Variants in ARHGAP6 observed in about 807,000 individuals in gnomAD.
The protein encoded by ARHGAP6 is Rho GTPase activating protein 6.
ARHGAP6 carries 16 observed loss-of-function variants against 55.7 expected under a neutral mutation model. The observed-to-expected ratio is 0.29, with a 90% CI of 0.19 to 0.44. ARHGAP6 has a LOEUF of 0.44. Ranked by LOEUF, ARHGAP6 falls within the 20% of genes least tolerant of loss-of-function variation. ARHGAP6 has a pLI of 1.00. For synonymous variants in ARHGAP6, 382 were observed against 360.9 expected (o/e 1.06, Z -0.66); for missense variants, 698 against 808.9 (o/e 0.86, Z 1.66).
intron 1 of ARHGAP6, among the ~76,000 whole-genome samples, chrX:11,466,571 T>A (rs2147822079): frequency 8.9e-6 from 1 of 111,752 alleles, no homozygotes. Context: ...GTGGCACAAT[T>A]ATAGCTCATT....
intron 8 of ARHGAP6, among the ~76,000 whole-genome samples, chrX:11,176,536 G>T (rs370852432): frequency 7.2e-4 from 76 of 106,098 alleles, no homozygotes; most frequent in African/African-American, 2.6e-3. Context: ...CAATGAGTTC[G>T]ATTGGAACTT....
chrX:11,423,813 T>C (rs2049851065), intron 1 of ARHGAP6, among the ~76,000 whole-genome samples: 1 of 111,743 alleles, frequency 8.9e-6, no homozygotes, highest in African/African-American at 3.3e-5. Flanking sequence ...GACTGTATAA[T>C]GGACACTGAT....
intron 1 of ARHGAP6, among the ~76,000 whole-genome samples, chrX:11,340,391 C>A (rs1159179073): frequency 3.6e-5 from 4 of 111,835 alleles, no homozygotes; most frequent in Non-Finnish European, 1.9e-5. Flanking sequence ...CTCCAGTCCT[C>A]AGATTACATG....
In ARHGAP6 at chrX:11,230,991, G is replaced by T. The variant is rs367651303; in HGVS notation, c.748+23557C>A. Among the ~76,000 whole-genome samples, 58 of 111,111 alleles carry T rather than the reference G, an allele frequency of 5.2e-4. No homozygotes were observed. The East Asian group carries it at 0.015, about 28-fold the overall frequency. ...CAGGGTTCACTCTTGGTTACTTTTT[G>T]TGTGTGTGTGACTATTTTCCTCACA... On this transcript the variant is annotated intron_variant, in intron 2 of 12. Transcript: ENST00000337414.
chrX:11,603,264 A>G (rs1427766589), intron 1 of ARHGAP6, among the ~76,000 whole-genome samples: 1 of 112,013 alleles, frequency 8.9e-6, no homozygotes, highest in African/African-American at 3.2e-5. Flanking sequence ...AGTATAATTT[A>G]TATCCTGGGA....
At chrX:11,466,026 G>A (rs1475840529) in intron 1 of ARHGAP6, among the ~76,000 whole-genome samples, 1 of 110,192 alleles carries the variant, frequency 9.1e-6, no homozygotes, top group Admixed American at 9.7e-5. Context: ...CATCTTCCGA[G>A]GCCCAGTTCA....
chrX:11,561,504 G>T (rs2051383847), intron 1 of ARHGAP6, among the ~76,000 whole-genome samples: 1 of 112,079 alleles, frequency 8.9e-6, no homozygotes, highest in Non-Finnish European at 1.9e-5. Flanking sequence ...AAGTAAAATG[G>T]TAGACTCAGG....
At chrX:11,459,454 C>T (rs1482542028) in intron 1 of ARHGAP6, among the ~76,000 whole-genome samples, 1 of 111,335 alleles carries the variant, frequency 9.0e-6, no homozygotes, top group Non-Finnish European at 1.9e-5. Flanking sequence ...ATTAAAAGGA[C>T]AGTTAAAGGG....
chrX:11,291,457 CTT>C (rs1159850596), intron 1 of ARHGAP6, among the ~76,000 whole-genome samples: 1 of 111,032 alleles, frequency 9.0e-6, no homozygotes, highest in Non-Finnish European at 1.9e-5. Flanking sequence ...TAAGATCAAT[CTT>C]TCTAAAACTA....
chrX:11,567,745 T>C (rs1002111728), intron 1 of ARHGAP6, among the ~76,000 whole-genome samples: 2 of 109,228 alleles, frequency 1.8e-5, no homozygotes, highest in African/African-American at 3.3e-5. Flanking sequence ...CATGACTCAC[T>C]GCAGCCTCGA....
chrX:11,447,547 G>GT (rs746085556), intron 1 of ARHGAP6, among the ~76,000 whole-genome samples: 1 of 112,425 alleles, frequency 8.9e-6, no homozygotes, highest in East Asian at 2.8e-4. Flanking sequence ...CAAAAGCAGA[G>GT]TTGAGTAGTT....
chrX:11,254,497 C>T (rs773407386), intron 2 of ARHGAP6, 51 bp downstream of exon 2: 2 of 1,177,904 alleles, frequency 1.7e-6, no homozygotes, highest in Non-Finnish European at 2.3e-6. Context: ...TTTGGCAGAG[C>T]CAATATTTGA....
chrX:11,275,192 G>A (rs2147521509), intron 1 of ARHGAP6, among the ~76,000 whole-genome samples: 1 of 111,073 alleles, frequency 9.0e-6, no homozygotes, highest in African/African-American at 3.3e-5. Flanking sequence ...TGTATCTCTT[G>A]ACTATTATAT....
intron 2 of ARHGAP6, among the ~76,000 whole-genome samples, chrX:11,198,944 G>C (rs2046581741): frequency 8.9e-6 from 1 of 112,143 alleles, no homozygotes; most frequent in South Asian, 3.7e-4. Flanking sequence ...TCAATTATCA[G>C]ATTTTATTCA....
At chrX:11,662,641 A>T (rs1195349312) in intron 1 of ARHGAP6, among the ~76,000 whole-genome samples, 3 of 112,668 alleles carry the variant, frequency 2.7e-5, no homozygotes, top group Non-Finnish European at 3.7e-5. Flanking sequence ...AAGTGAAATC[A>T]TCTACAGCCA....
intron 1 of ARHGAP6, chrX:11,298,939 G>T: frequency 8.3e-7 from 1 of 1,211,048 alleles, no homozygotes. Context: ...CTGGAAGCTT[G>T]GCCATCAACA....
intron 2 of ARHGAP6, among the ~76,000 whole-genome samples, chrX:11,232,284 A>T (rs761958125): frequency 1.8e-5 from 2 of 110,882 alleles, no homozygotes; most frequent in South Asian, 7.7e-4. Context: ...TCTACTCACT[A>T]CCTCCCTGAG....
rs561119004 is a variant in ARHGAP6 at position 11,213,736 on chromosome X, G to A, written c.749-16740C>T. Among the ~76,000 whole-genome samples, 43 of 111,823 alleles carry A rather than the reference G, an allele frequency of 3.8e-4. No individual in the cohort carries two copies. In the South Asian group the frequency reaches 0.016, roughly 41 times the overall value. ...ATAGAGAGTGGAAAGATAGACACTG[G>A]AAACTCAGAAGGGTGGGAGAGTGTT... On this transcript the variant is annotated intron_variant, in intron 2 of 12. Coordinates refer to ENST00000337414, the MANE Select transcript of ARHGAP6 (RefSeq NM_013427.3).
intron 1 of ARHGAP6, among the ~76,000 whole-genome samples, chrX:11,420,620 T>G (rs188247933): frequency 1.8e-5 from 2 of 111,720 alleles, no homozygotes; most frequent in East Asian, 2.8e-4. Context: ...CTGATGTGAT[T>G]GAGAGAGAAA....
Sources: allele counts gnomAD v4.1 joint callset (sites outside exome capture counted in the v4.1 genomes callset), GRCh38; gene constraint gnomAD v4.1.1; transcripts MANE v1.5; gene names NCBI Gene and HGNC (gene_info 2026-07-23, HGNC 2026-07-21).